The following RPS6KA6 variants were observed in gnomAD, a reference collection of about 807,000 sequenced individuals.
RPS6KA6 encodes ribosomal protein S6 kinase alpha-6.
In RPS6KA6, 27 loss-of-function variants were observed where a neutral mutation model predicts 65.4. The ratio of observed to expected loss-of-function variants is 0.41; its 90% CI spans 0.30 to 0.57. The LOEUF (loss-of-function observed/expected upper bound fraction) is 0.57, where lower values mean the gene tolerates loss of function less well. Among genes scored for constraint, RPS6KA6 ranks in the 20% least tolerant of loss-of-function variants. RPS6KA6 has a pLI of 0.24. For missense variants in RPS6KA6, 486 were observed against 555.6 expected, an observed-to-expected ratio of 0.87 and a Z score of 1.26; for synonymous variants, 190 against 184.2, an observed-to-expected ratio of 1.03 and a Z score of -0.26.
At chrX:84,167,824 G>A (rs924889096) in intron 1 of RPS6KA6, among the ~76,000 whole-genome samples, 4 of 110,392 alleles carry the variant, frequency 3.6e-5, no homozygotes, top group East Asian at 2.8e-4. Flanking sequence ...GTGGGTCATC[G>A]AACAACTCTT....
intron 8 of RPS6KA6, among the ~76,000 whole-genome samples, chrX:84,133,813 G>A (rs1569401881): frequency 9.1e-6 from 1 of 109,910 alleles, no homozygotes; most frequent in East Asian, 2.9e-4. Flanking sequence ...AAATATCTTC[G>A]AACCCACATC....
chrX:84,077,383 C>T (rs1178240157), intron 20 of RPS6KA6, among the ~76,000 whole-genome samples: 2 of 111,170 alleles, frequency 1.8e-5, no homozygotes, highest in African/African-American at 6.5e-5. Context: ...GCAACAGTAA[C>T]GAAGATAGTA....
At chrX:84,120,356 A>G (rs1434562431) in intron 8 of RPS6KA6, among the ~76,000 whole-genome samples, 1 of 111,600 alleles carries the variant, frequency 9.0e-6, no homozygotes, top group Non-Finnish European at 1.9e-5. Context: ...GACTAAGACA[A>G]AACAGAAATA....
At chrX:84,178,920 A>C (rs1193875933) in intron 1 of RPS6KA6, among the ~76,000 whole-genome samples, 1 of 111,389 alleles carries the variant, frequency 9.0e-6, no homozygotes, top group Non-Finnish European at 1.9e-5. Context: ...AAGAAAAAAA[A>C]AACTGATAAA....
chrX:84,166,092 G>A (rs1005737297), intron 1 of RPS6KA6, among the ~76,000 whole-genome samples: 2 of 112,067 alleles, frequency 1.8e-5, no homozygotes, highest in East Asian at 2.8e-4. Flanking sequence ...ATAATTGCTC[G>A]TCTCAGACTA....
At chrX:84,177,022 T>C (rs975966348) in intron 1 of RPS6KA6, among the ~76,000 whole-genome samples, 1 of 110,844 alleles carries the variant, frequency 9.0e-6, no homozygotes, top group Non-Finnish European at 1.9e-5. Flanking sequence ...AAAGAAAATA[T>C]AAGTTCAGCA....
At chrX:84,116,386 A>T (rs2034565601) in intron 11 of RPS6KA6, 99 bp from the exon 12 acceptor site, 1 of 385,908 alleles carries the variant, frequency 2.6e-6, no homozygotes. Flanking sequence ...CACATATTTC[A>T]TACATTCCTT....
At chrX:84,130,149 A>T (rs970618628) in intron 8 of RPS6KA6, among the ~76,000 whole-genome samples, 13 of 111,342 alleles carry the variant, frequency 1.2e-4, no homozygotes, top group Middle Eastern at 8.4e-3. Context: ...ATTTAAATTT[A>T]AATTTTAAAA....
chrX:84,152,848 T>C (rs1242456005), intron 3 of RPS6KA6, among the ~76,000 whole-genome samples: 1 of 111,389 alleles, frequency 9.0e-6, no homozygotes, highest in Non-Finnish European at 1.9e-5. Flanking sequence ...GAGGATAGGG[T>C]GCTTAAAGAA....
At chrX:84,185,092 C>T (rs1426322915) in intron 1 of RPS6KA6, among the ~76,000 whole-genome samples, 1 of 111,203 alleles carries the variant, frequency 9.0e-6, no homozygotes, top group African/African-American at 3.3e-5. Context: ...GACCAATACC[C>T]ATCCCATCTC....
intron 8 of RPS6KA6, among the ~76,000 whole-genome samples, chrX:84,124,668 G>T (rs1388250730): frequency 9.1e-6 from 1 of 109,554 alleles, no homozygotes; most frequent in Non-Finnish European, 1.9e-5. Context: ...CTAGAAAACA[G>T]CCAAAGAGGG....
At chrX:84,097,711 T>A in intron 19 of RPS6KA6, 61 bp downstream of exon 19, 1 of 678,182 alleles carries the variant, frequency 1.5e-6, no homozygotes, top group Non-Finnish European at 2.3e-6. Flanking sequence ...TCTTTCTAGA[T>A]GAAGATATAC....
chrX:84,148,961 C>T (rs184803966), intron 3 of RPS6KA6, among the ~76,000 whole-genome samples: 2 of 111,808 alleles, frequency 1.8e-5, no homozygotes, highest in Admixed American at 9.5e-5. Flanking sequence ...ATTTTATACA[C>T]AGTAGAATCT....
intron 17 of RPS6KA6, among the ~76,000 whole-genome samples, chrX:84,102,486 T>C (rs766350960): frequency 9.1e-6 from 1 of 110,445 alleles, no homozygotes; most frequent in Non-Finnish European, 1.9e-5. Context: ...CTTTTGGACA[T>C]GCCATAATTT....
intron 19 of RPS6KA6, among the ~76,000 whole-genome samples, chrX:84,097,545 T>C (rs1451562579): frequency 9.0e-6 from 1 of 111,639 alleles, no homozygotes; most frequent in African/African-American, 3.2e-5. Context: ...AAAGTTTTAG[T>C]TCTGGGTGAC....
intron 8 of RPS6KA6, among the ~76,000 whole-genome samples, chrX:84,120,524 A>T: frequency 8.9e-6 from 1 of 111,773 alleles, no homozygotes; most frequent in East Asian, 2.8e-4. Context: ...GACGAAATTT[A>T]AAAAGTACCA....
rs776661931 is a variant in RPS6KA6, at chrX:84,068,439, T to C, written c.1972-3328A>G. Reference sequence around the variant, plus strand: ...TGAAACATATCTCAAAATAGAGCTATTTATGACAAACCCATAGCCAATATC... The same window carrying C: ...TGAAACATATCTCAAAATAGAGCTACTTATGACAAACCCATAGCCAATATC... On this transcript the variant is annotated intron_variant, in intron 20 of 21. Transcript: ENST00000262752. 9.8e-5 allele frequency among the ~76,000 whole-genome samples: 11 copies of C among 111,757 alleles called. No individual in the cohort carries two copies. The East Asian group carries it at 3.1e-3, about 32-fold the overall frequency.
At position 84,187,921 on chromosome X, in the gene RPS6KA6, A is replaced by G; in HGVS notation, c.-22T>C. On this transcript the variant is annotated 5_prime_UTR_variant, in exon 1 of 22. Coordinates refer to ENST00000262752, the MANE Select transcript of RPS6KA6 (RefSeq NM_014496.5). ...GCATCTCCCCTTCAGGAGCACTCAA[A>G]CAGGAGCTGCCGCCTACCGCTGGCG... 4 of 1,153,993 alleles carry G rather than the reference A, an allele frequency of 3.5e-6. No homozygotes were observed. The highest frequency in any genetic ancestry group is 3.5e-6 in the Non-Finnish European group (3 of 858,596).
At chrX:84,104,877 T>C (rs941542656) in intron 16 of RPS6KA6, among the ~76,000 whole-genome samples, 2 of 110,432 alleles carry the variant, frequency 1.8e-5, no homozygotes, top group East Asian at 2.8e-4. Context: ...GTTAAACATA[T>C]AATTTTATTG....
Sources: gnomAD v4.1 joint callset for allele counts (sites outside exome capture counted in the v4.1 genomes callset) on GRCh38, gnomAD v4.1.1 for gene constraint, MANE v1.5 for transcripts, NCBI Gene and HGNC (gene_info 2026-07-23, HGNC 2026-07-21) for gene names.